RIT2: variants seen among roughly 807,000 people sequenced by gnomAD.
RIT2 encodes the protein Ras like without CAAX 2.
RIT2 carries 24 observed loss-of-function variants against 23.7 expected under a neutral mutation model. The ratio of observed to expected loss-of-function variants is 1.01; its 90% CI spans 0.73 to 1.43. RIT2 has a LOEUF of 1.43. RIT2 is among the 40% of genes most tolerant of loss of function. RIT2 has a pLI of 0.00. For missense variants in RIT2, 236 were observed against 266.9 expected (o/e 0.88, Z 0.81); for synonymous variants, 107 against 91.1 (o/e 1.17, Z -0.99).
chr18:42,751,151 G>A (rs924993022), intron 4 of RIT2, among the ~76,000 whole-genome samples: 2 of 151,858 alleles, frequency 1.3e-5, no homozygotes, highest in African/African-American at 2.4e-5. Context: ...TGAAGGTGCT[G>A]TCAGTGGTGC....
intron 4 of RIT2, among the ~76,000 whole-genome samples, chr18:42,810,679 T>C (rs553534757): frequency 6.6e-6 from 1 of 151,972 alleles, no homozygotes; most frequent in African/African-American, 2.4e-5. Context: ...TGACGTTAAA[T>C]TTCTTTACTC....
At chr18:42,863,580 AG>A in intron 4 of RIT2, among the ~76,000 whole-genome samples, 1 of 152,178 alleles carries the variant, frequency 6.6e-6, no homozygotes, top group Non-Finnish European at 1.5e-5. Context: ...TCTTATAAGC[AG>A]TAACATAAAT....
chr18:42,898,253 G>A (rs977902603), intron 4 of RIT2, among the ~76,000 whole-genome samples: 7 of 152,072 alleles, frequency 4.6e-5, no homozygotes, highest in Non-Finnish European at 1.0e-4. Flanking sequence ...AATTAGCTAA[G>A]CGTGGTGGCG....
chr18:43,083,945 G>A (rs1227633322), intron 1 of RIT2, among the ~76,000 whole-genome samples: 1 of 152,062 alleles, frequency 6.6e-6, no homozygotes, highest in South Asian at 2.1e-4. Context: ...GAGTGAACAG[G>A]CAACCCACAG....
At position 42,856,317 on chromosome 18, in the gene RIT2, A is replaced by G. The variant is rs147490467; in HGVS notation, c.426+67255T>C. On this transcript the variant is annotated intron_variant, in intron 4 of 4. Coordinates refer to ENST00000326695, the MANE Select transcript of RIT2 (RefSeq NM_002930.4). Reference sequence around the variant, plus strand: ...TGCATACTCAGAGAGGCCAAGAACAATCTAGGCAGACATGCCTTGCTGGGT... The same window carrying G: ...TGCATACTCAGAGAGGCCAAGAACAGTCTAGGCAGACATGCCTTGCTGGGT... 9.2e-5 allele frequency among the ~76,000 whole-genome samples: 14 copies of G among 152,348 alleles called. No individual in the cohort carries two copies. In the East Asian group the frequency reaches 2.7e-3, roughly 29 times the overall value.
intron 4 of RIT2, among the ~76,000 whole-genome samples, chr18:42,749,441 A>C (rs1470943767): frequency 6.6e-6 from 1 of 151,792 alleles, no homozygotes; most frequent in Non-Finnish European, 1.5e-5. Context: ...AATTAATTTA[A>C]AGAAAGCAAA....
At chr18:42,900,976 C>CT (rs112526862) in intron 4 of RIT2, among the ~76,000 whole-genome samples, 6,264 of 150,786 alleles carry the variant, frequency 0.042, 180 homozygotes, top group Middle Eastern at 0.09. Context: ...TTTTATTTGG[C>CT]TTTTTTTTTA....
chr18:42,800,562 G>T (rs1905505269), intron 4 of RIT2, among the ~76,000 whole-genome samples: 2 of 140,496 alleles, frequency 1.4e-5, no homozygotes, highest in Admixed American at 1.6e-4. Context: ...TCGCTCTGTC[G>T]CCCAGGCTGG....
intron 4 of RIT2, among the ~76,000 whole-genome samples, chr18:42,895,617 G>A (rs1398342029): frequency 6.6e-6 from 1 of 152,184 alleles, no homozygotes; most frequent in African/African-American, 2.4e-5. Flanking sequence ...GGATTCACCC[G>A]ATTGAGGACC....
chr18:42,835,569 TA>T (rs1265373433), intron 4 of RIT2, among the ~76,000 whole-genome samples: 7 of 152,130 alleles, frequency 4.6e-5, no homozygotes, highest in African/African-American at 1.4e-4. Flanking sequence ...TATAGCAGGA[TA>T]TGTACAAATG....
chr18:43,053,365 C>T (rs996044197), intron 1 of RIT2, among the ~76,000 whole-genome samples: 9 of 152,090 alleles, frequency 5.9e-5, no homozygotes, highest in South Asian at 2.1e-4. Flanking sequence ...CCCAGGCAGT[C>T]AGCCCACACT....
At chr18:42,896,613 A>C (rs1275784491) in intron 4 of RIT2, among the ~76,000 whole-genome samples, 1 of 152,184 alleles carries the variant, frequency 6.6e-6, no homozygotes, top group Non-Finnish European at 1.5e-5. Context: ...TCTGTCTTAT[A>C]GCTAAGATTC....
chr18:43,077,113 A>G (rs1244972449), intron 1 of RIT2, among the ~76,000 whole-genome samples: 1 of 150,698 alleles, frequency 6.6e-6, no homozygotes, highest in Non-Finnish European at 1.5e-5. Context: ...AAAAAAAAAA[A>G]AAAAAAAAAA....
chr18:42,758,045 A>C (rs922720238), intron 4 of RIT2, among the ~76,000 whole-genome samples: 4 of 150,738 alleles, frequency 2.7e-5, no homozygotes, highest in Non-Finnish European at 5.9e-5. Flanking sequence ...TAGTTGTCCC[A>C]CCTTTTTCCT....
chr18:43,006,310 GGAA>G (rs951373842), intron 2 of RIT2, among the ~76,000 whole-genome samples: 4 of 151,022 alleles, frequency 2.6e-5, no homozygotes, highest in South Asian at 4.2e-4. Flanking sequence ...GAAGAAAGAA[GGAA>G]GAAGAAGAAA....
chr18:42,881,021 G>C (rs1568020078), intron 4 of RIT2, among the ~76,000 whole-genome samples: 1 of 151,942 alleles, frequency 6.6e-6, no homozygotes, highest in East Asian at 1.9e-4. Context: ...GGTCAGACTT[G>C]TCCTGAACTT....
At chr18:43,001,794 T>C (rs1911114016) in intron 2 of RIT2, among the ~76,000 whole-genome samples, 1 of 148,390 alleles carries the variant, frequency 6.7e-6, no homozygotes, top group Non-Finnish European at 1.5e-5. Context: ...CAAAGGGCCA[T>C]TCATCTGTTA....
At chr18:42,786,433 G>T (rs1199263667) in intron 4 of RIT2, among the ~76,000 whole-genome samples, 1 of 152,036 alleles carries the variant, frequency 6.6e-6, no homozygotes, top group Non-Finnish European at 1.5e-5. Context: ...TATGCCTTTA[G>T]AACTACTTGG....
At chr18:42,871,528 A>G (rs947877281) in intron 4 of RIT2, among the ~76,000 whole-genome samples, 4 of 152,234 alleles carry the variant, frequency 2.6e-5, no homozygotes, top group Non-Finnish European at 4.4e-5. Context: ...CAACTAATCC[A>G]TACTGAATCT....
Sources: gnomAD v4.1 joint callset for allele counts (sites outside exome capture counted in the v4.1 genomes callset) on GRCh38, gnomAD v4.1.1 for gene constraint, MANE v1.5 for transcripts, NCBI Gene and HGNC (gene_info 2026-07-23, HGNC 2026-07-21) for gene names.